The following ASIC2 variants were observed in gnomAD, a reference collection of about 807,000 sequenced individuals.
The protein encoded by ASIC2 is acid sensing ion channel subunit 2.
In ASIC2, 25 loss-of-function variants were observed where a neutral mutation model predicts 57.3. The observed-to-expected ratio is 0.44, with a 90% CI of 0.32 to 0.61. The LOEUF (loss-of-function observed/expected upper bound fraction) is 0.61, where lower values mean the gene tolerates loss of function less well. ASIC2 is among the 20% of genes least tolerant of loss of function. The pLI is 0.06. For missense variants in ASIC2, 641 were observed against 738.1 expected, an observed-to-expected ratio of 0.87 and a Z score of 1.52; for synonymous variants, 319 against 307.5, an observed-to-expected ratio of 1.04 and a Z score of -0.39.
intron 1 of ASIC2, among the ~76,000 whole-genome samples, chr17:33,640,962 GA>G (rs1906544199): frequency 6.6e-6 from 1 of 152,172 alleles, no homozygotes; most frequent in South Asian, 2.1e-4. Flanking sequence ...CTTGGAAAAA[GA>G]AAAACTCTGT....
At chr17:33,334,456 C>T (rs569453377) in intron 1 of ASIC2, among the ~76,000 whole-genome samples, 3 of 152,264 alleles carry the variant, frequency 2.0e-5, no homozygotes, top group East Asian at 1.9e-4. Flanking sequence ...GGAAGAGCAT[C>T]CTAGAAGATA....
At chr17:33,222,648 G>C (rs533297579) in intron 1 of ASIC2, among the ~76,000 whole-genome samples, 18 of 152,280 alleles carry the variant, frequency 1.2e-4, no homozygotes, top group Non-Finnish European at 2.1e-4. Context: ...GCTCCAACAA[G>C]AGCTTTCTCC....
At chr17:33,417,813 G>A (rs1036704506) in intron 1 of ASIC2, among the ~76,000 whole-genome samples, 1 of 152,170 alleles carries the variant, frequency 6.6e-6, no homozygotes, top group Admixed American at 6.5e-5. Context: ...TCCTCTGTGG[G>A]TGAAGAGTCC....
chr17:34,148,008 T>TA (rs1166341286), intron 1 of ASIC2, among the ~76,000 whole-genome samples: 2 of 152,220 alleles, frequency 1.3e-5, no homozygotes, highest in Non-Finnish European at 2.9e-5. Flanking sequence ...GGATTCACTT[T>TA]ACCAAAATTT....
intron 1 of ASIC2, among the ~76,000 whole-genome samples, chr17:33,832,335 A>G (rs1913139322): frequency 6.6e-6 from 1 of 152,238 alleles, no homozygotes; most frequent in Non-Finnish European, 1.5e-5. Flanking sequence ...CTGGAGACCT[A>G]GGAAGGCCAG....
At chr17:33,584,816 G>A (rs1034383959) in intron 1 of ASIC2, among the ~76,000 whole-genome samples, 12 of 152,100 alleles carry the variant, frequency 7.9e-5, no homozygotes, top group South Asian at 2.1e-4. Context: ...GTGCTGAGCC[G>A]GAGAGGGGAC....
chr17:34,061,218 T>C (rs535994427), intron 1 of ASIC2, among the ~76,000 whole-genome samples: 1 of 152,020 alleles, frequency 6.6e-6, no homozygotes, highest in African/African-American at 2.4e-5. Flanking sequence ...AAAACCATTA[T>C]CAGCCAAGAA....
intron 1 of ASIC2, among the ~76,000 whole-genome samples, chr17:33,346,251 AAAAG>A (rs1907942748): frequency 7.0e-6 from 1 of 141,890 alleles, no homozygotes; most frequent in African/African-American, 2.6e-5. Flanking sequence ...AAAAAAAAAA[AAAAG>A]AGAGAGAGAG....
At chr17:33,995,605 T>C in intron 1 of ASIC2, among the ~76,000 whole-genome samples, 1 of 152,326 alleles carries the variant, frequency 6.6e-6, no homozygotes. Context: ...TATGTGTGTA[T>C]GTATATGTTT....
chr17:33,310,934 G>C (rs1906389206), intron 1 of ASIC2, among the ~76,000 whole-genome samples: 1 of 152,082 alleles, frequency 6.6e-6, no homozygotes, highest in African/African-American at 2.4e-5. Context: ...TGGTTCAAGG[G>C]CTGGAGCTTT....
intron 1 of ASIC2, among the ~76,000 whole-genome samples, chr17:33,193,039 G>C (rs905152795): frequency 2.0e-5 from 3 of 152,096 alleles, no homozygotes; most frequent in African/African-American, 7.2e-5. Flanking sequence ...GTTCACCCTG[G>C]GTTTCGGGGA....
At chr17:33,999,701 T>C (rs886352555) in intron 1 of ASIC2, among the ~76,000 whole-genome samples, 1 of 152,194 alleles carries the variant, frequency 6.6e-6, no homozygotes, top group Non-Finnish European at 1.5e-5. Flanking sequence ...TTCTATCTTT[T>C]ATATATTGTA....
chr17:33,306,954 T>A (rs1285564406), intron 1 of ASIC2, among the ~76,000 whole-genome samples: 3 of 152,180 alleles, frequency 2.0e-5, no homozygotes. Flanking sequence ...AGCCCTGTCC[T>A]TTTGCCCCAG....
chr17:33,262,980 G>T (rs1027802292), intron 1 of ASIC2, among the ~76,000 whole-genome samples: 1 of 152,158 alleles, frequency 6.6e-6, no homozygotes, highest in African/African-American at 2.4e-5. Flanking sequence ...GCAAAAAGAT[G>T]CGAGAAGACT....
At chr17:33,364,590 C>T (rs182531234) in intron 1 of ASIC2, among the ~76,000 whole-genome samples, 15 of 152,192 alleles carry the variant, frequency 9.9e-5, no homozygotes, top group South Asian at 4.2e-4. Flanking sequence ...GCACTTCCCC[C>T]TTCTCTCTCT....
At position 33,022,229 on chromosome 17, in the gene ASIC2, C is replaced by T. The variant is rs1428849584; in HGVS notation, c.1350-919G>A. Among the ~76,000 whole-genome samples the T allele has an allele frequency of 2.6e-5, 4 of 152,132 alleles. No individual in the cohort carries two copies. The East Asian group carries it at 7.7e-4, about 29-fold the overall frequency. ...AGTTCCCTTCTTCCCATCTGCCTTT[C>T]CCCCGTCTTCTCTATCGCCGCCTGA... On this transcript the variant is annotated intron_variant, in intron 6 of 9. Transcript: ENST00000225823.
intron 5 of ASIC2, among the ~76,000 whole-genome samples, chr17:33,025,320 G>A (rs1471547784): frequency 1.3e-5 from 2 of 152,188 alleles, no homozygotes; most frequent in African/African-American, 4.8e-5. Context: ...TCCAGCTGGG[G>A]AACCAGCAGA....
At chr17:33,351,070 G>C (rs1162791028) in intron 1 of ASIC2, among the ~76,000 whole-genome samples, 3 of 152,134 alleles carry the variant, frequency 2.0e-5, no homozygotes, top group Non-Finnish European at 2.9e-5. Flanking sequence ...TCTAGCCTTT[G>C]GTGTCAGAAA....
At chr17:33,339,147 A>G (rs550936011) in intron 1 of ASIC2, among the ~76,000 whole-genome samples, 5 of 152,224 alleles carry the variant, frequency 3.3e-5, no homozygotes, top group Non-Finnish European at 7.3e-5. Context: ...GGGGGCAACA[A>G]TGAAGAAAAG....
Sources: gnomAD v4.1 joint callset for allele counts (sites outside exome capture counted in the v4.1 genomes callset) on GRCh38, gnomAD v4.1.1 for gene constraint, MANE v1.5 for transcripts, NCBI Gene and HGNC (gene_info 2026-07-23, HGNC 2026-07-21) for gene names.